The following PTH2R variants were observed in gnomAD, a reference collection of about 807,000 sequenced individuals.
PTH2R encodes parathyroid hormone 2 receptor.
In PTH2R, 59 loss-of-function variants were observed where a neutral mutation model predicts 60.3. The observed-to-expected ratio is 0.98, with a 90% CI of 0.79 to 1.22. The LOEUF (loss-of-function observed/expected upper bound fraction) is 1.22. PTH2R is among the 50% of genes most tolerant of loss of function. PTH2R has a pLI of 0.00. For missense variants in PTH2R, 749 were observed against 682.6 expected, an observed-to-expected ratio of 1.10 and a Z score of -1.08; for synonymous variants, 256 against 243.8, an observed-to-expected ratio of 1.05 and a Z score of -0.47.
intron 1 of PTH2R, among the ~76,000 whole-genome samples, chr2:208,379,860 G>GAA (rs199776824): frequency 7.3e-6 from 1 of 137,274 alleles, no homozygotes. Flanking sequence ...ACTCTGTCTT[G>GAA]AAAAAAAAAA....
intron 1 of PTH2R, among the ~76,000 whole-genome samples, chr2:208,398,554 C>A (rs1701252522): frequency 6.6e-6 from 1 of 152,076 alleles, no homozygotes; most frequent in Non-Finnish European, 1.5e-5. Context: ...CTCTTGTGTT[C>A]AAAATGAAAA....
intron 9 of PTH2R, chr2:208,466,376 G>A (rs906136930): frequency 1.3e-5 from 2 of 152,416 alleles, no homozygotes; most frequent in Non-Finnish European, 2.9e-5. Flanking sequence ...AGCACCAGCA[G>A]CTGTGCTCTG....
At chr2:208,489,405 G>A (rs1274121839) in intron 11 of PTH2R, among the ~76,000 whole-genome samples, 3 of 152,132 alleles carry the variant, frequency 2.0e-5, no homozygotes, top group Non-Finnish European at 4.4e-5. Flanking sequence ...GAGAGATAAG[G>A]AACATCTTGT....
rs571700154 is a variant in PTH2R at position 208,440,550 on chromosome 2, G to T, written c.412-1814G>T. ...CAAAATTAATAATTTGTAAACATGA[G>T]TTGAGGATGCCAAGAAATCTAAATG... is the stretch of plus-strand genomic sequence containing the variant. On this transcript the variant is annotated intron_variant, in intron 4 of 12. Transcript: ENST00000272847. Among the ~76,000 whole-genome samples, 36 of 152,292 alleles carry T rather than the reference G, an allele frequency of 2.4e-4. 1 individual carries two copies. In the South Asian group the frequency reaches 7.2e-3, roughly 31 times the overall value.
At position 208,396,258 on chromosome 2, in the gene PTH2R, C is replaced by T. The variant is rs574439274; in HGVS notation, c.-258-31943C>T. Reference sequence around the variant, plus strand: ...TTCAGGACATAGGCACAGGCAAGGACTTCATGACTAAAACACCAAAAGTAA... The same window carrying T: ...TTCAGGACATAGGCACAGGCAAGGATTTCATGACTAAAACACCAAAAGTAA... On this transcript the variant is annotated intron_variant, in intron 1 of 12. Coordinates refer to the PTH2R transcript ENST00000617735. Among the ~76,000 whole-genome samples, 5 of 152,276 alleles carry T rather than the reference C, an allele frequency of 3.3e-5. No homozygotes were observed. The South Asian group carries it at 1.0e-3, about 32-fold the overall frequency.
Position 208,370,954 on chromosome 2 carries a change from C to G in PTH2R, c.-259+10717C>G, listed in dbSNP as rs1380116871. 2.0e-5 allele frequency among the ~76,000 whole-genome samples: 3 copies of G among 151,914 alleles called. 1 individual carries two copies. Among genetic ancestry groups the G allele is most frequent in the African/African-American group, 7.3e-5 (3 of 41,258 alleles). ...TAGCTGAAGGTGAAGGGGGAGCATG[C>G]ATCTTACATGGTGATAGAGGGAGCA... is the stretch of plus-strand genomic sequence containing the variant. On this transcript the variant is annotated intron_variant, in intron 1 of 12. Transcript: ENST00000617735.
intron 1 of PTH2R, among the ~76,000 whole-genome samples, chr2:208,372,157 G>C (rs957160287): frequency 6.6e-6 from 1 of 152,092 alleles, no homozygotes; most frequent in East Asian, 1.9e-4. Context: ...TCCTAACCTT[G>C]TGATTCGCCC....
intron 1 of PTH2R, among the ~76,000 whole-genome samples, chr2:208,377,903 A>T (rs1700835450): frequency 6.7e-6 from 1 of 149,824 alleles, no homozygotes; most frequent in South Asian, 2.1e-4. Flanking sequence ...GCAGCCAGGC[A>T]GAGGGGCTCC....
In PTH2R at chr2:208,361,710, T is replaced by C. The variant is rs1046606105; in HGVS notation, c.-259+1473T>C. On this transcript the variant is annotated intron_variant, in intron 1 of 12. Transcript: ENST00000617735. ...GTCTTTTCTTGCTTGGTTACATCACTTAGCATGATTTCTTAAGTTTCATTC... is the reference window on the plus strand; with the variant it reads ...GTCTTTTCTTGCTTGGTTACATCACCTAGCATGATTTCTTAAGTTTCATTC... 7.2e-5 allele frequency among the ~76,000 whole-genome samples: 11 copies of C among 152,286 alleles called. No individual in the cohort carries two copies. In the East Asian group the frequency reaches 2.1e-3, roughly 29 times the overall value.
chr2:208,485,094 G>T lies in PTH2R; in HGVS notation c.1077-3918G>T, dbSNP rs888965374. 2.0e-5 allele frequency among the ~76,000 whole-genome samples: 3 copies of T among 152,280 alleles called. No homozygotes were observed. In the East Asian group the frequency reaches 5.8e-4, roughly 29 times the overall value. ...TACAAAGTGCTATGTATACAGAAAA[G>T]AGTGAAGGATTAATTCAAGGCCACG... On this transcript the variant is annotated intron_variant, in intron 10 of 12. Transcript: ENST00000272847.
chr2:208,464,399 C>T (rs1404844879), intron 9 of PTH2R, among the ~76,000 whole-genome samples: 1 of 152,176 alleles, frequency 6.6e-6, no homozygotes, highest in Non-Finnish European at 1.5e-5. Context: ...CTGTGGTGAA[C>T]CTGACGGGCG....
At chr2:208,385,283 T>C (rs542815360) in intron 1 of PTH2R, among the ~76,000 whole-genome samples, 1 of 152,286 alleles carries the variant, frequency 6.6e-6, no homozygotes, top group South Asian at 2.1e-4. Flanking sequence ...ATTTAAAAAG[T>C]GAGCAGTAAG....
chr2:208,437,875 A>G lies in PTH2R; in HGVS notation c.405A>G (p.Ile135Met). The stretch of plus-strand genomic sequence containing the variant: ...GCTTTCTGCAGCCAGATATCAGCAT[A>G]GGAAAGGTAATGGAATTTCTCTATT... ...CLRFLQPDISIGKQEFFERLY... is the reference protein window; with the variant it reads ...CLRFLQPDISMGKQEFFERLY... Residue 135 changes from isoleucine (I) to methionine (M), a missense_variant, in exon 4 of 13, where the codon ATA (isoleucine) becomes ATG (methionine). Ile to Met is a conservative substitution (Grantham distance 10). Transcript: ENST00000272847. The G allele has an allele frequency of 1.2e-6, 2 of 1,611,804 alleles. No homozygotes were observed. The highest frequency in any genetic ancestry group is 1.7e-6 in the Non-Finnish European group (2 of 1,178,068).
chr2:208,407,304 C>T (rs1701436598), intron 1 of PTH2R, among the ~76,000 whole-genome samples, 186 bp downstream of exon 1: 1 of 152,174 alleles, frequency 6.6e-6, no homozygotes, highest in Non-Finnish European at 1.5e-5. Context: ...CTTCAAAGAT[C>T]TGCTTTAGTG....
At chr2:208,435,881 T>G (rs1702065496) in intron 2 of PTH2R, among the ~76,000 whole-genome samples, 1 of 152,194 alleles carries the variant, frequency 6.6e-6, no homozygotes. Context: ...TCTGTTACAG[T>G]AGCAATGGAA....
chr2:208,406,926 C>G lies in PTH2R; in HGVS notation c.-118C>G, dbSNP rs1054358257. The G allele has an allele frequency of 1.2e-6, 1 of 840,564 alleles. No individual in the cohort carries two copies. Among genetic ancestry groups the G allele is most frequent in the Non-Finnish European group, 1.7e-6 (1 of 590,130 alleles). 52.1% of individuals were successfully genotyped at this position (840,564 alleles called of 1,614,324 possible). ...CGGCCGGTGGCCCGGGCCCGACCAC[C>G]CCAGCTGCGCGTCGTTACTGGCCAC... On this transcript the variant is annotated 5_prime_UTR_variant, in exon 1 of 13. Transcript: ENST00000272847.
At chr2:208,377,774 G>A (rs146683085) in intron 1 of PTH2R, among the ~76,000 whole-genome samples, 57,960 of 148,964 alleles carry the variant, frequency 0.39, 11,583 homozygotes, top group East Asian at 0.52. Context: ...CATCCCAGAC[G>A]GGGCGGCGGG....
At chr2:208,377,226 A>G (rs899975642) in intron 1 of PTH2R, among the ~76,000 whole-genome samples, 11 of 152,112 alleles carry the variant, frequency 7.2e-5, no homozygotes, top group Non-Finnish European at 1.3e-4. Flanking sequence ...AGGCACAGGA[A>G]TTTTTCTTAG....
intron 9 of PTH2R, among the ~76,000 whole-genome samples, chr2:208,479,690 G>C (rs1308558789): frequency 6.6e-6 from 1 of 152,144 alleles, no homozygotes; most frequent in Non-Finnish European, 1.5e-5. Context: ...CTCATGTTTT[G>C]CATCTTTTTG....
Sources: allele counts gnomAD v4.1 joint callset (sites outside exome capture counted in the v4.1 genomes callset), GRCh38; gene constraint gnomAD v4.1.1; transcripts MANE v1.5; gene names NCBI Gene and HGNC (gene_info 2026-07-23, HGNC 2026-07-21).